The following NCAM2 variants were observed in gnomAD, a reference collection of about 807,000 sequenced individuals.
NCAM2 encodes the protein N-CAM-2.
NCAM2 carries 30 observed loss-of-function variants against 98.1 expected under a neutral mutation model. The observed-to-expected ratio is 0.31, with a 90% CI of 0.23 to 0.41. The LOEUF (loss-of-function observed/expected upper bound fraction) is 0.41. NCAM2 is among the 10% of genes least tolerant of loss of function. The pLI is 1.00. For missense variants in NCAM2, 867 were observed against 1,005.8 expected, an observed-to-expected ratio of 0.86 and a Z score of 1.87; for synonymous variants, 368 against 342.4, an observed-to-expected ratio of 1.07 and a Z score of -0.83.
At chr21:21,056,490 CTGTGTG>C (rs10685980) in intron 1 of NCAM2, among the ~76,000 whole-genome samples, 127 of 138,424 alleles carry the variant, frequency 9.2e-4, no homozygotes, top group South Asian at 1.5e-3. Flanking sequence ...AGAGATATGT[CTGTGTG>C]TGTGTGTGTG....
chr21:21,190,541 G>A (rs757057446), intron 1 of NCAM2, among the ~76,000 whole-genome samples: 11 of 152,132 alleles, frequency 7.2e-5, no homozygotes, highest in East Asian at 3.9e-4. Flanking sequence ...ATTTATTACC[G>A]CTGGTGCTAA....
intron 1 of NCAM2, among the ~76,000 whole-genome samples, chr21:21,181,888 A>G (rs986891098): frequency 1.3e-5 from 2 of 151,894 alleles, no homozygotes; most frequent in Admixed American, 1.3e-4. Context: ...CACAGGAAAT[A>G]ATTTTTGTTT....
chr21:21,425,040 CAAAAAAAA>C lies in NCAM2; in HGVS notation c.1480+6492_1480+6499del, dbSNP rs1192128472. ...GACAAAAGCGGGACTCTTCCTCCTC[CAAAAAAAA>C]AAAAAAAAAAAAAAAAAAAATTCAT... On this transcript the variant is annotated intron_variant, in intron 11 of 17. Transcript: ENST00000400546. Among the ~76,000 whole-genome samples the C allele has an allele frequency of 2.5e-3, 109 of 43,848 alleles. 3 individuals are homozygous for C. Among genetic ancestry groups the C allele is most frequent in the Non-Finnish European group, 6.1e-4 (14 of 22,838 alleles). 28.8% of individuals were successfully genotyped at this position (43,848 alleles called of 152,430 possible).
At chr21:21,528,177 G>A (rs1469713391) in intron 16 of NCAM2, among the ~76,000 whole-genome samples, 2 of 152,150 alleles carry the variant, frequency 1.3e-5, no homozygotes, top group Non-Finnish European at 2.9e-5. Flanking sequence ...AAAGATCAGT[G>A]GTTGCACATG....
chr21:21,400,090 C>T (rs1317589093), intron 9 of NCAM2, among the ~76,000 whole-genome samples: 2 of 152,094 alleles, frequency 1.3e-5, no homozygotes, highest in African/African-American at 4.8e-5. Context: ...TAAATTGACA[C>T]CCTATTATAG....
rs146599522 is a variant in NCAM2 at position 21,110,955 on chromosome 21, G to A, written c.55+112337G>A. On this transcript the variant is annotated intron_variant, in intron 1 of 17. Transcript: ENST00000400546. ...TTTTTTAATAACAATAATTGAATAA[G>A]GGGATACATTAAAGTTCTGCTTACA... is the stretch of plus-strand genomic sequence containing the variant. 4.1e-3 allele frequency among the ~76,000 whole-genome samples: 631 copies of A among 152,130 alleles called. 2 individuals are homozygous for A. The highest frequency in any genetic ancestry group is 0.015 in the African/African-American group (609 of 41,538).
intron 6 of NCAM2, among the ~76,000 whole-genome samples, chr21:21,333,285 T>C (rs557943735): frequency 7.2e-5 from 11 of 152,324 alleles, no homozygotes; most frequent in Admixed American, 5.2e-4. Flanking sequence ...TACACACTTA[T>C]GTTCTCTAAA....
chr21:21,251,901 A>G (rs2071489368), intron 1 of NCAM2, among the ~76,000 whole-genome samples: 2 of 151,996 alleles, frequency 1.3e-5, no homozygotes. Context: ...CTCTTTAGTT[A>G]AATTAGATCC....
At chr21:21,122,749 CA>C (rs1368015577) in intron 1 of NCAM2, among the ~76,000 whole-genome samples, 1 of 152,168 alleles carries the variant, frequency 6.6e-6, no homozygotes, top group Non-Finnish European at 1.5e-5. Flanking sequence ...TGGAAGCATG[CA>C]AAACCTGCTG....
intron 1 of NCAM2, among the ~76,000 whole-genome samples, chr21:21,089,681 C>T (rs1006885736): frequency 2.0e-5 from 3 of 152,170 alleles, no homozygotes; most frequent in Non-Finnish European, 4.4e-5. Flanking sequence ...GATTGTGCCA[C>T]CTGCCCCTCC....
At chr21:21,347,112 T>G (rs1476085946) in intron 8 of NCAM2, among the ~76,000 whole-genome samples, 1 of 151,788 alleles carries the variant, frequency 6.6e-6, no homozygotes, top group Non-Finnish European at 1.5e-5. Flanking sequence ...AAACAAAATT[T>G]ACAAAGCTTT....
intron 1 of NCAM2, among the ~76,000 whole-genome samples, chr21:21,029,795 T>A (rs2064636699): frequency 6.6e-6 from 1 of 150,862 alleles, no homozygotes; most frequent in African/African-American, 2.5e-5. Flanking sequence ...CATGCCCAGC[T>A]AATTTTTTGT....
intron 1 of NCAM2, among the ~76,000 whole-genome samples, chr21:21,254,428 T>A (rs2071587018): frequency 6.6e-6 from 1 of 152,224 alleles, no homozygotes; most frequent in African/African-American, 2.4e-5. Flanking sequence ...TAGAAGATGT[T>A]CTTTATAGCT....
chr21:21,350,616 C>T (rs2075308752), intron 8 of NCAM2, among the ~76,000 whole-genome samples: 1 of 152,050 alleles, frequency 6.6e-6, no homozygotes. Flanking sequence ...AATGTGATAT[C>T]CTTCAAAAAC....
chr21:21,352,964 C>T (rs373700633), intron 8 of NCAM2, among the ~76,000 whole-genome samples: 6 of 152,022 alleles, frequency 3.9e-5, no homozygotes, highest in East Asian at 3.9e-4. Context: ...AGCAATTTTC[C>T]TGCCTCAGCC....
chr21:20,999,277 T>C (rs1601044115), intron 1 of NCAM2, among the ~76,000 whole-genome samples: 1 of 152,126 alleles, frequency 6.6e-6, no homozygotes, highest in East Asian at 1.9e-4. Flanking sequence ...GGAATCATTT[T>C]ATAACATTAC....
intron 1 of NCAM2, among the ~76,000 whole-genome samples, chr21:21,086,941 T>G (rs1408271902): frequency 6.6e-6 from 1 of 152,068 alleles, no homozygotes. Flanking sequence ...CTTTTTTTTT[T>G]TACAAATACA....
intron 1 of NCAM2, among the ~76,000 whole-genome samples, chr21:21,022,797 A>G (rs962579551): frequency 6.6e-6 from 1 of 152,102 alleles, no homozygotes; most frequent in African/African-American, 2.4e-5. Flanking sequence ...GTTGTGGGAA[A>G]TTTAGTTTTA....
chr21:21,420,879 T>A (rs2077097098), intron 11 of NCAM2, among the ~76,000 whole-genome samples: 1 of 151,920 alleles, frequency 6.6e-6, no homozygotes, highest in Non-Finnish European at 1.5e-5. Flanking sequence ...AGTGTGCTAA[T>A]TCTCACCAAA....
Sources: gnomAD v4.1 joint callset for allele counts (sites outside exome capture counted in the v4.1 genomes callset) on GRCh38, gnomAD v4.1.1 for gene constraint, MANE v1.5 for transcripts, NCBI Gene and HGNC (gene_info 2026-07-23, HGNC 2026-07-21) for gene names.